The following NFIB variants were observed in gnomAD, a reference collection of about 807,000 sequenced individuals.
The protein encoded by NFIB is nuclear factor 1 B-type.
In NFIB, 11 loss-of-function variants were observed where a neutral mutation model predicts 61.5. The observed-to-expected ratio is 0.18, with a 90% confidence interval of 0.11 to 0.30. The LOEUF (loss-of-function observed/expected upper bound fraction) is 0.30. Among genes scored for constraint, NFIB ranks in the 10% least tolerant of loss-of-function variants. The probability of loss-of-function intolerance (pLI) is 1.00; values close to 1 mark genes in which losing one functional copy is unlikely to be tolerated. For missense variants in NFIB, 471 were observed against 608.9 expected (o/e 0.77, Z 2.38); for synonymous variants, 260 against 216.5 (o/e 1.20, Z -1.76).
At chr9:14,483,317 G>A in the NFIB span, among the ~76,000 whole-genome samples, 3 of 152,138 alleles carry the variant, frequency 2.0e-5, no homozygotes, top group South Asian at 4.1e-4. Flanking sequence ...CATTGCTACC[G>A]GGATATATAG....
rs368309534 is a variant in NFIB at position 14,150,264 on chromosome 9, C to T, written c.687G>A (p.Thr229=). 5.2e-5 allele frequency: 84 copies of T among 1,613,040 alleles called. No individual in the cohort carries two copies. Among genetic ancestry groups the T allele is most frequent in the Non-Finnish European group, 5.3e-5 (62 of 1,179,370 alleles). The change falls in exon 5 of 11, where the codon ACG becomes ACA. Residue 229 remains threonine, a splice_region_variant and synonymous_variant. Transcript: ENST00000380953. Reference sequence around the variant, plus strand: ...TGACTCCAGTTCCCTGGGTTATGGGCGCTGAGGAATAAGACAAAGAAGCAC... The same window carrying T: ...TGACTCCAGTTCCCTGGGTTATGGGTGCTGAGGAATAAGACAAAGAAGCAC... ...NVSELVRVSR[T]PITQGTGVNF...
intron 2 of NFIB, among the ~76,000 whole-genome samples, chr9:14,213,270 C>A (rs901509900): frequency 8.5e-5 from 13 of 152,120 alleles, no homozygotes; most frequent in Non-Finnish European, 1.8e-4. Context: ...AGTTACTTAT[C>A]TTTGGAAAGT....
chr9:14,110,557 T>C (rs1411049404), intron 10 of NFIB, among the ~76,000 whole-genome samples: 2 of 152,086 alleles, frequency 1.3e-5, no homozygotes, highest in African/African-American at 2.4e-5. Context: ...TTAAACCAAA[T>C]GCATTTAGAA....
chr9:14,325,133 ATAAT>A (rs2060738307), intron 1 of NFIB, among the ~76,000 whole-genome samples: 1 of 152,096 alleles, frequency 6.6e-6, no homozygotes, highest in South Asian at 2.1e-4. Context: ...TTCTAAGAAT[ATAAT>A]TAAGGTCCAG....
chr9:14,184,629 CACTA>C (rs2047145889), intron 2 of NFIB, among the ~76,000 whole-genome samples: 1 of 152,114 alleles, frequency 6.6e-6, no homozygotes, highest in African/African-American at 2.4e-5. Flanking sequence ...TCTTACTGAG[CACTA>C]ACTTTCTGGA....
intron 3 of NFIB, among the ~76,000 whole-genome samples, chr9:14,162,328 G>A (rs2044295913): frequency 6.6e-6 from 1 of 151,916 alleles, no homozygotes. Context: ...TGACGAGAAT[G>A]GCTATTGAAT....
chr9:14,345,240 G>A (rs776213990), intron 1 of NFIB, among the ~76,000 whole-genome samples: 3 of 152,144 alleles, frequency 2.0e-5, no homozygotes, highest in Non-Finnish European at 2.9e-5. Flanking sequence ...TTGTTCCCAC[G>A]GAGACTCCTA....
the NFIB span, among the ~76,000 whole-genome samples, chr9:14,435,403 G>C: frequency 6.6e-6 from 1 of 152,184 alleles, no homozygotes; most frequent in African/African-American, 2.4e-5. Context: ...CAGACTATCT[G>C]GATTTGAATT....
At chr9:14,518,003 G>T in the NFIB span, among the ~76,000 whole-genome samples, 5 of 152,304 alleles carry the variant, frequency 3.3e-5, 1 homozygote, top group South Asian at 1.0e-3. Flanking sequence ...CTAACTAGAT[G>T]TAAACTCCAC....
At chr9:14,348,294 A>G (rs1006978922) in intron 1 of NFIB, among the ~76,000 whole-genome samples, 8 of 151,324 alleles carry the variant, frequency 5.3e-5, no homozygotes, top group South Asian at 4.2e-4. Context: ...ATAAATACCT[A>G]TGGCTCTAAA....
intron 2 of NFIB, among the ~76,000 whole-genome samples, chr9:14,292,810 T>G (rs928276369): frequency 2.0e-5 from 3 of 152,202 alleles, no homozygotes; most frequent in African/African-American, 4.8e-5. Context: ...CTAATTTTTC[T>G]TTTTTTAATG....
At position 14,102,388 on chromosome 9, in the gene NFIB, G is replaced by GT. The variant is rs778190847; in HGVS notation, c.1467+10610dup. On this transcript the variant is annotated intron_variant, in intron 10 of 10. Coordinates refer to ENST00000380953, the MANE Select transcript of NFIB (RefSeq NM_001190737.2). Reference sequence around the variant, plus strand: ...ACTATAGCTCATGTAATTTTTAGGTGTAAGTGTAGGGTTGGAAATAATTAA... The same window carrying GT: ...ACTATAGCTCATGTAATTTTTAGGTGTTAAGTGTAGGGTTGGAAATAATTAA... 7 of 1,497,192 alleles carry GT rather than the reference G, an allele frequency of 4.7e-6. No individual in the cohort carries two copies. In the Admixed American group the frequency reaches 1.4e-4, roughly 30 times the overall value. The allele number at this position is 1,497,192 out of a possible 1,614,324, so 92.7% of individuals were successfully genotyped here. A position where few individuals can be genotyped will look rare whatever the true frequency, so the allele number is the denominator to read the frequency against.
chr9:14,404,051 C>A, the NFIB span, among the ~76,000 whole-genome samples: 1 of 152,132 alleles, frequency 6.6e-6, no homozygotes, highest in African/African-American at 2.4e-5. Context: ...TAATTTTTGG[C>A]AATGTGTACT....
chr9:14,124,535 C>A (rs2039383700), intron 7 of NFIB, among the ~76,000 whole-genome samples: 2 of 152,054 alleles, frequency 1.3e-5, no homozygotes, highest in Non-Finnish European at 2.9e-5. Context: ...ACATTGTTTG[C>A]ATAAAGATTT....
chr9:14,503,298 T>C, the NFIB span, among the ~76,000 whole-genome samples: 1 of 152,088 alleles, frequency 6.6e-6, no homozygotes, highest in African/African-American at 2.4e-5. Flanking sequence ...TTCCTCTGGG[T>C]AGATAACCAG....
chr9:14,158,140 A>C (rs1285281857), intron 3 of NFIB, among the ~76,000 whole-genome samples: 3 of 151,716 alleles, frequency 2.0e-5, no homozygotes. Flanking sequence ...AACAAAACAA[A>C]AAAACAAAAC....
chr9:14,417,781 T>TG, the NFIB span, among the ~76,000 whole-genome samples: 2 of 141,660 alleles, frequency 1.4e-5, no homozygotes, highest in African/African-American at 2.7e-5. Context: ...ACAGTTTTTT[T>TG]TTTTTTTTTT....
chr9:14,156,844 T>C (rs920699468), intron 3 of NFIB, among the ~76,000 whole-genome samples: 6 of 152,166 alleles, frequency 3.9e-5, no homozygotes, highest in Non-Finnish European at 8.8e-5. Context: ...TTGAAATACA[T>C]CTGAGAAACA....
chr9:14,241,811 C>G (rs2054389993), intron 2 of NFIB, among the ~76,000 whole-genome samples: 1 of 152,126 alleles, frequency 6.6e-6, no homozygotes, highest in Non-Finnish European at 1.5e-5. Flanking sequence ...CCCATTCTTC[C>G]TCTCCTTATA....
Sources: gnomAD v4.1 joint callset for allele counts (sites outside exome capture counted in the v4.1 genomes callset) on GRCh38, gnomAD v4.1.1 for gene constraint, MANE v1.5 for transcripts, NCBI Gene and HGNC (gene_info 2026-07-23, HGNC 2026-07-21) for gene names.